MYO6: variants seen among roughly 807,000 people sequenced by gnomAD.
MYO6 encodes unconventional myosin-VI.
In MYO6, 74 loss-of-function variants were observed where a neutral mutation model predicts 178.7. The ratio of observed to expected loss-of-function variants is 0.41; its 90% CI spans 0.34 to 0.50. The LOEUF (loss-of-function observed/expected upper bound fraction) is 0.50, where lower values mean the gene tolerates loss of function less well. MYO6 is among the 20% of genes least tolerant of loss of function. The pLI, the probability that MYO6 is intolerant of heterozygous loss-of-function variation, is 0.09. For synonymous variants in MYO6, 477 were observed against 504.6 expected (o/e 0.95, Z 0.73); for missense variants, 1,330 against 1,547.4 (o/e 0.86, Z 2.36).
chr6:75,757,288 ATG>A (rs771222859), intron 1 of MYO6, among the ~76,000 whole-genome samples: 5 of 148,920 alleles, frequency 3.4e-5, no homozygotes, highest in Middle Eastern at 3.9e-3. Context: ...TACACAATAT[ATG>A]TGTGTGTATG....
At chr6:75,756,426 G>C (rs570658832) in intron 1 of MYO6, among the ~76,000 whole-genome samples, 1 of 151,980 alleles carries the variant, frequency 6.6e-6, no homozygotes, top group Non-Finnish European at 1.5e-5. Context: ...TCCGCCTCTC[G>C]GGTTCAAGCG....
chr6:75,815,505 A>G (rs549873499), intron 1 of MYO6, among the ~76,000 whole-genome samples: 1 of 152,350 alleles, frequency 6.6e-6, no homozygotes, highest in Non-Finnish European at 1.5e-5. Context: ...CCATGGGACT[A>G]GATATGATTA....
chr6:75,804,952 T>C (rs1769875380), intron 1 of MYO6, among the ~76,000 whole-genome samples: 1 of 145,682 alleles, frequency 6.9e-6, no homozygotes, highest in Non-Finnish European at 1.5e-5. Flanking sequence ...TATACACATA[T>C]GTACACATAT....
chr6:75,871,335 C>T (rs780931745), intron 19 of MYO6, among the ~76,000 whole-genome samples: 27 of 152,114 alleles, frequency 1.8e-4, no homozygotes, highest in Non-Finnish European at 3.2e-4. Context: ...CTGCAACCTC[C>T]GCCTCTCTGG....
At chr6:75,840,084 AATAGTGCCTGAGC>A (rs1223735400) in intron 7 of MYO6, among the ~76,000 whole-genome samples, 2 of 152,090 alleles carry the variant, frequency 1.3e-5, no homozygotes, top group East Asian at 3.8e-4. Context: ...CATGGACTTG[AATAGTGCCTGAGC>A]ATAGTGGGTA....
At chr6:75,756,401 T>A (rs1777356389) in intron 1 of MYO6, among the ~76,000 whole-genome samples, 1 of 152,164 alleles carries the variant, frequency 6.6e-6, no homozygotes, top group Non-Finnish European at 1.5e-5. Flanking sequence ...GGTGCAATCT[T>A]GGCTCACTGC....
intron 1 of MYO6, among the ~76,000 whole-genome samples, chr6:75,796,441 C>T (rs1403520330): frequency 6.6e-6 from 1 of 151,962 alleles, no homozygotes; most frequent in African/African-American, 2.4e-5. Context: ...TATAATTTCA[C>T]CTTTTATTTT....
rs61398235 is a variant in MYO6, at chr6:75,854,275, CTTTTTTTTTTTTTTTTTT to C, written c.1079-849_1079-832del. 1.5e-4 allele frequency among the ~76,000 whole-genome samples: 7 copies of C among 45,470 alleles called. 1 individual carries two copies. Among genetic ancestry groups the C allele is most frequent in the South Asian group, 1.2e-3 (1 of 864 alleles). The allele number at this position is 45,470 out of a possible 152,430, so 29.8% of individuals were successfully genotyped here. A position where few individuals can be genotyped will look rare whatever the true frequency, so the allele number is the denominator to read the frequency against. On this transcript the variant is annotated intron_variant, in intron 11 of 34. Transcript: ENST00000369977. ...CATGGGTCAAGACCTAACTGCATTGCTTTTTTTTTTTTTTTTTTTTTTTTTTTTTTTTGCTATTCTCTG... is the reference window on the plus strand; with the variant it reads ...CATGGGTCAAGACCTAACTGCATTGCTTTTTTTTTTTTTTGCTATTCTCTG...
At chr6:75,893,833 C>T (rs1365418065) in intron 28 of MYO6, among the ~76,000 whole-genome samples, 1 of 152,174 alleles carries the variant, frequency 6.6e-6, no homozygotes, top group African/African-American at 2.4e-5. Flanking sequence ...TATTTGGGCT[C>T]TTTATTAAGA....
chr6:75,757,615 C>G (rs1360741082), intron 1 of MYO6, among the ~76,000 whole-genome samples: 1 of 151,712 alleles, frequency 6.6e-6, no homozygotes, highest in Non-Finnish European at 1.5e-5. Context: ...CCCTGGGGTT[C>G]CAGAGTTGCG....
intron 1 of MYO6, among the ~76,000 whole-genome samples, chr6:75,755,619 G>C (rs1284055924): frequency 6.6e-6 from 1 of 152,106 alleles, no homozygotes; most frequent in Admixed American, 6.5e-5. Context: ...GGGGAATTTT[G>C]AAAATAACTT....
At chr6:75,774,966 G>C (rs979211639) in intron 1 of MYO6, among the ~76,000 whole-genome samples, 1 of 151,874 alleles carries the variant, frequency 6.6e-6, no homozygotes, top group South Asian at 2.1e-4. Flanking sequence ...GCTAATTTTT[G>C]TATGTTTAGT....
chr6:75,857,823 G>T (rs1775854066), intron 13 of MYO6, among the ~76,000 whole-genome samples: 1 of 152,210 alleles, frequency 6.6e-6, no homozygotes, highest in African/African-American at 2.4e-5. Context: ...GCATGTGAAT[G>T]CTGCTTTGCT....
chr6:75,891,119 G>T, intron 26 of MYO6, 109 bp from the exon 27 acceptor site: 1 of 680,130 alleles, frequency 1.5e-6, no homozygotes, highest in Non-Finnish European at 2.5e-6. Flanking sequence ...AGGTTAATTT[G>T]CATTCCCAAT....
chr6:75,817,130 C>T (rs1297367450), intron 1 of MYO6, among the ~76,000 whole-genome samples: 1 of 151,988 alleles, frequency 6.6e-6, no homozygotes, highest in African/African-American at 2.4e-5. Flanking sequence ...ACGGTGAAAT[C>T]CCATCTCTAC....
intron 5 of MYO6, 112 bp from the exon 6 acceptor site, chr6:75,832,730 T>C: frequency 4.4e-6 from 3 of 679,108 alleles, no homozygotes; most frequent in Non-Finnish European, 2.6e-6. Flanking sequence ...TTCATTAACA[T>C]TGAATAGACA....
chr6:75,788,243 G>C (rs1327445570), intron 1 of MYO6, among the ~76,000 whole-genome samples: 1 of 151,368 alleles, frequency 6.6e-6, no homozygotes, highest in Non-Finnish European at 1.5e-5. Context: ...GGGTGCTTGT[G>C]GTCCCAGCTA....
chr6:75,765,170 C>CTTTTTTTTTTTTTTTTTTTTTTTTTT (rs71002762), intron 1 of MYO6, among the ~76,000 whole-genome samples: 1 of 57,684 alleles, frequency 1.7e-5, no homozygotes, highest in Non-Finnish European at 2.9e-5. Flanking sequence ...AAAAAAAAAG[C>CTTTTTTTTTTTTTTTTTTTTTTTTTT]TTTTTTTTTT....
chr6:75,793,162 A>G (rs1768418158), intron 1 of MYO6, among the ~76,000 whole-genome samples: 1 of 152,184 alleles, frequency 6.6e-6, no homozygotes, highest in Non-Finnish European at 1.5e-5. Flanking sequence ...CCTTAGGGAA[A>G]ATATTTCCAA....
Sources: gnomAD v4.1 joint callset for allele counts (sites outside exome capture counted in the v4.1 genomes callset) on GRCh38, gnomAD v4.1.1 for gene constraint, MANE v1.5 for transcripts, NCBI Gene and HGNC (gene_info 2026-07-23, HGNC 2026-07-21) for gene names.